Variants in USF1 observed in about 807,000 individuals in gnomAD.
The protein encoded by USF1 is upstream stimulatory factor 1.
USF1 carries 22 observed loss-of-function variants against 46.3 expected under a neutral mutation model. The ratio of observed to expected loss-of-function variants is 0.47; its 90% confidence interval spans 0.34 to 0.68. The LOEUF is 0.68. USF1 is among the 30% of genes least tolerant of loss of function. The pLI is 0.01. For synonymous variants in USF1, 150 were observed against 147.0 expected (o/e 1.02, Z -0.15); for missense variants, 287 against 399.3 (o/e 0.72, Z 2.40).
In USF1 at chr1:161,042,671, CTGAATTAAAAGAA is replaced by C; in HGVS notation, c.59-14_59-2del. The C allele has an allele frequency of 6.2e-7, 1 of 1,614,198 alleles. No homozygotes were observed. The highest frequency in any genetic ancestry group is 8.5e-7 in the Non-Finnish European group (1 of 1,180,008). On this transcript the variant is annotated splice_acceptor_variant and splice_polypyrimidine_tract_variant and intron_variant, in intron 3 of 10. Transcript: ENST00000368021. LOFTEE classifies it high-confidence loss of function. ...GGGTCTTCCCCAGTAGCCACTGCAC[CTGAATTAAAAGAA>C]CAAAGGAAAAGTCTGTGAGTTAACT...
chr1:161,039,663 A>G lies in USF1; in HGVS notation c.*257T>C, dbSNP rs1266046037. On this transcript the variant is annotated 3_prime_UTR_variant, in exon 11 of 11. Transcript: ENST00000368021. The stretch of plus-strand genomic sequence containing the variant: ...CCAGTATCCAGCATGGAGACAGCAC[A>G]TGCATTGTGCGAGAGGAGCACAAGG... 1.9e-6 allele frequency: 1 copy of G among 518,368 alleles called. No individual in the cohort carries two copies. The highest frequency in any genetic ancestry group is 3.5e-6 in the Non-Finnish European group (1 of 285,540). 32.1% of individuals were successfully genotyped at this position (518,368 alleles called of 1,614,324 possible). A position where few individuals can be genotyped will look rare whatever the true frequency, so the allele number is the denominator to read the frequency against.
At position 161,040,402 on chromosome 1, in the gene USF1, C is replaced by T. The variant is rs1344610503; in HGVS notation, c.715-72G>A. ...AGCTTGCTTTCCAAAAGTAGGTTCACACTTTGGACCTCATTTTCATCTAAG... is the reference window on the plus strand; with the variant it reads ...AGCTTGCTTTCCAAAAGTAGGTTCATACTTTGGACCTCATTTTCATCTAAG... On this transcript the variant is annotated intron_variant, in intron 9 of 10. Transcript: ENST00000368021. This position sits in a 1 kb window ranked among gnomAD's most constrained non-coding sequence, Gnocchi z 4.0. 12 of 1,597,696 alleles carry T rather than the reference C, an allele frequency of 7.5e-6. No homozygotes were observed. Among genetic ancestry groups the T allele is most frequent in the Admixed American group, 1.7e-5 (1 of 58,302 alleles).
rs984945821 is a variant in USF1 at position 161,040,356 on chromosome 1, G to C, written c.715-26C>G. 6.2e-7 allele frequency: 1 copy of C among 1,610,896 alleles called. No individual in the cohort carries two copies. The highest frequency in any genetic ancestry group is 1.3e-5 in the African/African-American group (1 of 74,776). ...CTGCAAGATAAGGTCAACAAAATGA[G>C]AACTAGGATTTCAGATACCCAGCTT... On this transcript the variant is annotated intron_variant, in intron 9 of 10. Transcript: ENST00000368021. This position sits in a 1 kb window ranked among gnomAD's most constrained non-coding sequence, Gnocchi z 4.0.
Position 161,040,498 on chromosome 1 carries a change from C to T in USF1, c.714+78G>A. On this transcript the variant is annotated intron_variant, in intron 9 of 10. Coordinates refer to ENST00000368021, the MANE Select transcript of USF1 (RefSeq NM_007122.5). The surrounding 1 kb of genome is among the most constrained non-coding windows in gnomAD (Gnocchi z 4.0). The stretch of plus-strand genomic sequence containing the variant: ...GATAAGACTACTGTCATGTGTGCCC[C>T]TCTCTCTACCATTTCTGGAAACAAT... 6.4e-7 allele frequency: 1 copy of T among 1,571,352 alleles called. No individual in the cohort carries two copies. The highest frequency in any genetic ancestry group is 8.7e-7 in the Non-Finnish European group (1 of 1,154,622).
Position 161,041,323 on chromosome 1 carries a change from C to A in USF1, c.560+1G>T. 3 of 1,598,782 alleles carry A rather than the reference C, an allele frequency of 1.9e-6. No individual in the cohort carries two copies. The highest frequency in any genetic ancestry group is 2.6e-6 in the Non-Finnish European group (3 of 1,170,434). ...TCTGAGAAGAAACAAGGGTCACTCA[C>A]GGGGAATAAGGGTGAGTCCTAGGGG... On this transcript the variant is annotated splice_donor_variant, in intron 7 of 10. Coordinates refer to ENST00000368021, the MANE Select transcript of USF1 (RefSeq NM_007122.5). LOFTEE classifies it high-confidence loss of function.
In USF1 at chr1:161,040,859, G is replaced by A. The variant is rs779070700; in HGVS notation, c.574C>T (p.Pro192Ser). The A allele has an allele frequency of 1.2e-6, 2 of 1,613,960 alleles. No homozygotes were observed. Among genetic ancestry groups the A allele is most frequent in the African/African-American group, 1.3e-5 (1 of 74,890 alleles). ...THPYSPKSEA[P>S]RTTRDEKRRA... The stretch of plus-strand genomic sequence containing the variant: ...CGTTTCTCATCCCGAGTCGTCCGGG[G>A]AGCTTCTGACTTCCTGACAACAGAG... Residue 192 changes from proline (P) to serine (S), a missense_variant, in exon 8 of 11, where the codon CCC becomes TCC. Coordinates refer to ENST00000368021, the MANE Select transcript of USF1 (RefSeq NM_007122.5). This position sits in a 1 kb window ranked among gnomAD's most constrained non-coding sequence, Gnocchi z 4.0.
chr1:161,041,588 T>TACC (rs1650565576), intron 6 of USF1, 63 bp downstream of exon 6: 1 of 1,559,008 alleles, frequency 6.4e-7, no homozygotes, highest in African/African-American at 1.4e-5. Context: ...GCTCACTGCC[T>TACC]ACCAGTCATG....
chr1:161,041,337 G>A lies in USF1; in HGVS notation c.547C>T (p.His183Tyr), dbSNP rs1650551845. 6.2e-7 allele frequency: 1 copy of A among 1,611,816 alleles called. No individual in the cohort carries two copies. The highest frequency in any genetic ancestry group is 8.5e-7 in the Non-Finnish European group (1 of 1,179,040). Residue 183 changes from histidine (H) to tyrosine (Y), a missense_variant, in exon 7 of 11, where the codon CAC (histidine) becomes TAC (tyrosine). Transcript: ENST00000368021. ...GSQRSIAPRT[H>Y]PYSPKSEAPR... ...AGGGTCACTCACGGGGAATAAGGGT[G>A]AGTCCTAGGGGCAATTGAGCGCTGG...
chr1:161,041,537 C>T lies in USF1; in HGVS notation c.472+114G>A, dbSNP rs1650562513. On this transcript the variant is annotated intron_variant, in intron 6 of 10. Coordinates refer to ENST00000368021, the MANE Select transcript of USF1 (RefSeq NM_007122.5). ...TAGAAGAGCAGCCCCAGACTCACTG[C>T]CTGTCCAGGTCTTAATGATCACTAA... 3.4e-6 allele frequency: 5 copies of T among 1,475,280 alleles called. No homozygotes were observed. In the South Asian group the frequency reaches 5.0e-5, roughly 15 times the overall value. 91.4% of individuals were successfully genotyped at this position (1,475,280 alleles called of 1,614,324 possible).
intron 4 of USF1, 99 bp from the exon 5 acceptor site, chr1:161,042,316 C>T: frequency 2.3e-6 from 3 of 1,289,492 alleles, no homozygotes; most frequent in Non-Finnish European, 3.2e-6. Flanking sequence ...GGATAGGGCC[C>T]CAAAACAAAG....
Position 161,040,467 on chromosome 1 carries a change from G to T in USF1, c.714+109C>A. 1 of 1,555,876 alleles carries T rather than the reference G, an allele frequency of 6.4e-7. No homozygotes were observed. Reference sequence around the variant, plus strand: ...ATCTCCCAGGGATACAGGAACCTCAGGGAGAGATAAGACTACTGTCATGTG... The same window carrying T: ...ATCTCCCAGGGATACAGGAACCTCATGGAGAGATAAGACTACTGTCATGTG... On this transcript the variant is annotated intron_variant, in intron 9 of 10. Transcript: ENST00000368021. The surrounding 1 kb of genome is among the most constrained non-coding windows in gnomAD (Gnocchi z 4.0).
chr1:161,041,261 CAA>C (rs1181304214), intron 7 of USF1, 61 bp downstream of exon 7: 59,579 of 645,316 alleles, frequency 0.092, no homozygotes, highest in Non-Finnish European at 0.098. Flanking sequence ...GACTCTGTCT[CAA>C]AAAAAAAAAA....
chr1:161,041,950 A>T, intron 5 of USF1, 104 bp from the exon 6 acceptor site: 1 of 911,926 alleles, frequency 1.1e-6, no homozygotes, highest in Non-Finnish European at 1.5e-6. Flanking sequence ...TAGGGTGGAG[A>T]GAGAGAGAGA....
rs1316218702 is a variant in USF1, at chr1:161,040,818, A to G, written c.615T>C (p.Asn205=). ...TRDEKRRAQH[N]EVERRRRDKI... is the part of the protein sequence containing the mutation. ...CTCCACCCAGATCATACCTACCTTC[A>G]TTATGCTGAGCCCTGCGTTTCTCAT... Residue 205 remains asparagine (N), a synonymous_variant, in exon 8 of 11, where the codon AAT becomes AAC. Coordinates refer to ENST00000368021, the MANE Select transcript of USF1 (RefSeq NM_007122.5). The surrounding 1 kb of genome is among the most constrained non-coding windows in gnomAD (Gnocchi z 4.0). 9 of 1,614,030 alleles carry G rather than the reference A, an allele frequency of 5.6e-6. No homozygotes were observed. Among genetic ancestry groups the G allele is most frequent in the Non-Finnish European group, 7.6e-6 (9 of 1,180,004 alleles).
At position 161,040,747 on chromosome 1, in the gene USF1, C is replaced by T; in HGVS notation, c.619+67G>A. ...CCCAGGGTAAAATTACCTAATCCCTCCTCCCCTCAGACATCACTGCTGAGA... is the reference window on the plus strand; with the variant it reads ...CCCAGGGTAAAATTACCTAATCCCTTCTCCCCTCAGACATCACTGCTGAGA... On this transcript the variant is annotated intron_variant, in intron 8 of 10. Transcript: ENST00000368021. The surrounding 1 kb of genome is among the most constrained non-coding windows in gnomAD (Gnocchi z 4.0). 3 of 1,613,402 alleles carry T rather than the reference C, an allele frequency of 1.9e-6. No homozygotes were observed. The East Asian group carries it at 6.7e-5, about 36-fold the overall frequency.
At chr1:161,041,131 A>T (rs1650537709) in intron 7 of USF1, among the ~76,000 whole-genome samples, 193 bp downstream of exon 7, 1 of 151,854 alleles carries the variant, frequency 6.6e-6, no homozygotes, top group South Asian at 2.1e-4. Flanking sequence ...GGGTGGTGGT[A>T]CATGTCTGTA....
In USF1 at chr1:161,040,225, C is replaced by T; in HGVS notation, c.820G>A (p.Asp274Asn). 6.2e-7 allele frequency: 1 copy of T among 1,614,160 alleles called. No homozygotes were observed. Among genetic ancestry groups the T allele is most frequent in the South Asian group, 1.1e-5 (1 of 91,074 alleles). The change falls in exon 10 of 11, where the codon GAC becomes AAC. Residue 274 changes from aspartate (D) to asparagine (N), a missense_variant. By Grantham distance (23) the Asp-to-Asn change is conservative (BLOSUM62 1). Coordinates refer to ENST00000368021, the MANE Select transcript of USF1 (RefSeq NM_007122.5). The surrounding 1 kb of genome is among the most constrained non-coding windows in gnomAD (Gnocchi z 4.0). ...ACCTGTTGTCGAAGCACGTCATTGT[C>T]CAGCTGCAGTTGGTCAAGTCCCTGC... The part of the protein sequence containing the change: ...ELQGLDQLQL[D>N]NDVLRQQVED...
chr1:161,041,700 A>G lies in USF1; in HGVS notation c.423T>C (p.Thr141=). The G allele has an allele frequency of 6.2e-7, 1 of 1,613,912 alleles. No individual in the cohort carries two copies. Residue 141 remains threonine (T), a synonymous_variant, in exon 6 of 11, where the codon ACT becomes ACC. Transcript: ENST00000368021. ...TTSGSTAAVV[T]TQGSEALLGQ... ...CCAGCAGTGCCTCTGAGCCCTGGGTAGTAACAACAGCAGCTGTACTCCCCG... is the reference window on the plus strand; with the variant it reads ...CCAGCAGTGCCTCTGAGCCCTGGGTGGTAACAACAGCAGCTGTACTCCCCG...
intron 1 of USF1, among the ~76,000 whole-genome samples, chr1:161,044,072 A>G (rs1327176066): frequency 1.3e-5 from 2 of 149,830 alleles, no homozygotes; most frequent in Non-Finnish European, 3.0e-5. Context: ...CCTCCTGAAT[A>G]GCTGGGATTA....
Sources: allele counts gnomAD v4.1 joint callset (sites outside exome capture counted in the v4.1 genomes callset), GRCh38; gene constraint gnomAD v4.1.1; non-coding constraint Gnocchi (gnomAD v3.1); transcripts MANE v1.5; gene names NCBI Gene and HGNC (gene_info 2026-07-23, HGNC 2026-07-21).